Variants in RIC1 observed in about 807,000 individuals in gnomAD.
RIC1 encodes the protein guanine nucleotide exchange factor subunit RIC1.
A neutral mutation model predicts 169.0 loss-of-function variants in RIC1; 88 were observed. The ratio of observed to expected loss-of-function variants is 0.52; its 90% CI spans 0.44 to 0.62. RIC1 has a LOEUF of 0.62. RIC1 is among the 20% of genes least tolerant of loss of function. The pLI, the probability that RIC1 is intolerant of heterozygous loss-of-function variation, is 0.00. For missense variants in RIC1, 1,877 were observed against 1,725.5 expected (o/e 1.09, Z -1.56); for synonymous variants, 790 against 601.5 (o/e 1.31, Z -4.59).
chr9:5,667,791 A>T (rs993808013), intron 2 of RIC1, among the ~76,000 whole-genome samples: 1 of 152,168 alleles, frequency 6.6e-6, no homozygotes, highest in African/African-American at 2.4e-5. Flanking sequence ...GGCATGAGCC[A>T]CCGCACTGGG....
At chr9:5,767,869 G>A (rs540143560) in intron 21 of RIC1, among the ~76,000 whole-genome samples, 69 of 152,342 alleles carry the variant, frequency 4.5e-4, no homozygotes, top group Middle Eastern at 3.4e-3. Context: ...TTACAGGCAT[G>A]AGCCACCATG....
At chr9:5,720,799 T>A (rs781670685) in intron 6 of RIC1, 49 bp downstream of exon 6, 8 of 1,405,374 alleles carry the variant, frequency 5.7e-6, no homozygotes, top group Non-Finnish European at 7.7e-6. Flanking sequence ...GTACTTATTT[T>A]ATTCTTTGTT....
At chr9:5,734,489 G>A (rs1824574182) in intron 7 of RIC1, among the ~76,000 whole-genome samples, 1 of 152,002 alleles carries the variant, frequency 6.6e-6, no homozygotes, top group Admixed American at 6.6e-5. Flanking sequence ...CCAGGAATTG[G>A]TTTCTTTCTT....
intron 3 of RIC1, chr9:5,713,594 A>T: frequency 4.6e-6 from 1 of 218,586 alleles, no homozygotes; most frequent in Non-Finnish European, 9.1e-6. Context: ...TTTAAACAAA[A>T]TGCCTGTTGG....
At position 5,742,948 on chromosome 9, in the gene RIC1, C is replaced by T. The variant is rs375672479; in HGVS notation, c.981C>T (p.Tyr327=). 8.9e-5 allele frequency: 143 copies of T among 1,613,274 alleles called. 3 individuals carry two copies. Among genetic ancestry groups the T allele is most frequent in the South Asian group, 7.0e-4 (64 of 91,040 alleles). ...DNSVVIVTWE[Y]GGLSLWSVFG... ...GTGTTGTAATAGTGACCTGGGAATA[C>T]GGAGGCCTTTCTTTATGGAGTGTTT... The change falls in exon 9 of 26, where the codon TAC becomes TAT. Residue 327 remains tyrosine, a synonymous_variant. Coordinates refer to ENST00000414202, the MANE Select transcript of RIC1 (RefSeq NM_020829.4).
Position 5,753,535 on chromosome 9 carries a change from G to C in RIC1, c.1492-1G>C. 6.3e-7 allele frequency: 1 copy of C among 1,579,304 alleles called. No homozygotes were observed. On this transcript the variant is annotated splice_acceptor_variant, in intron 13 of 25. Transcript: ENST00000414202. LOFTEE classifies it high-confidence loss of function. ...AAGTTCTTATTTTTTTTTTTAAACA[G>C]TTTTCAGCTATTGATAAGCTTGGAC... is the stretch of plus-strand genomic sequence containing the variant.
intron 4 of RIC1, among the ~76,000 whole-genome samples, chr9:5,714,380 A>G (rs1166634798): frequency 6.6e-6 from 1 of 152,194 alleles, no homozygotes; most frequent in Non-Finnish European, 1.5e-5. Flanking sequence ...AAGTTTATAT[A>G]CACTTGGAAG....
chr9:5,769,876 T>A (rs955396017), intron 22 of RIC1, among the ~76,000 whole-genome samples: 2 of 152,192 alleles, frequency 1.3e-5, no homozygotes, highest in African/African-American at 4.8e-5. Flanking sequence ...TAGGATGATA[T>A]AACTTTTAGG....
At chr9:5,747,612 T>G in intron 12 of RIC1, 107 bp downstream of exon 12, 1 of 986,892 alleles carries the variant, frequency 1.0e-6, no homozygotes, top group African/African-American at 1.6e-5. Context: ...TGAGAATCCT[T>G]TTAACCATTT....
At chr9:5,693,162 T>TA (rs1821687168) in intron 3 of RIC1, among the ~76,000 whole-genome samples, 1 of 152,148 alleles carries the variant, frequency 6.6e-6, no homozygotes, top group African/African-American at 2.4e-5. Flanking sequence ...GCAGTATAAT[T>TA]ACTGAGGCCA....
intron 3 of RIC1, among the ~76,000 whole-genome samples, chr9:5,690,899 T>C (rs1821555108): frequency 6.6e-6 from 1 of 151,452 alleles, no homozygotes; most frequent in Non-Finnish European, 1.5e-5. Flanking sequence ...ACTAACAAAC[T>C]CAAGAGAAAG....
chr9:5,673,334 A>C (rs1380351446), intron 2 of RIC1, among the ~76,000 whole-genome samples: 6 of 151,882 alleles, frequency 4.0e-5, no homozygotes, highest in African/African-American at 1.5e-4. Context: ...TGGAAATTAA[A>C]ATAAGACCAT....
chr9:5,756,450 A>G, intron 16 of RIC1, 78 bp downstream of exon 16: 1 of 984,418 alleles, frequency 1.0e-6, no homozygotes. Context: ...GTTTTCTCAA[A>G]ACAGTTATTC....
intron 6 of RIC1, among the ~76,000 whole-genome samples, chr9:5,728,770 G>C (rs1384737996): frequency 4.6e-5 from 7 of 151,998 alleles, no homozygotes; most frequent in Non-Finnish European, 1.0e-4. Context: ...GCTGTTTTTT[G>C]GCCTTCTGTC....
intron 4 of RIC1, chr9:5,719,422 G>T (rs953097063): frequency 6.6e-6 from 1 of 152,150 alleles, no homozygotes; most frequent in African/African-American, 2.4e-5. Flanking sequence ...AACTATTTTT[G>T]ATTTCTTGCC....
At chr9:5,670,758 T>C (rs1163522177) in intron 2 of RIC1, among the ~76,000 whole-genome samples, 1 of 152,240 alleles carries the variant, frequency 6.6e-6, no homozygotes, top group African/African-American at 2.4e-5. Flanking sequence ...GAAAGTTTAA[T>C]TCATGAAGAG....
chr9:5,637,072 T>C (rs1258390482), intron 1 of RIC1, among the ~76,000 whole-genome samples: 3 of 152,158 alleles, frequency 2.0e-5, no homozygotes, highest in African/African-American at 7.2e-5. Context: ...TGTTTGTTTG[T>C]TTTTGAGACA....
At chr9:5,675,046 A>G (rs1820358219) in intron 2 of RIC1, among the ~76,000 whole-genome samples, 2 of 152,208 alleles carry the variant, frequency 1.3e-5, no homozygotes, top group South Asian at 4.1e-4. Context: ...GTGCGCCCTT[A>G]CAGATGGAGC....
chr9:5,738,717 A>C (rs1318493340), intron 8 of RIC1, among the ~76,000 whole-genome samples, 179 bp downstream of exon 8: 2 of 152,056 alleles, frequency 1.3e-5, no homozygotes, highest in Non-Finnish European at 2.9e-5. Context: ...ATTCTGTTTT[A>C]ATAATTCAAA....
Sources: allele counts gnomAD v4.1 joint callset (sites outside exome capture counted in the v4.1 genomes callset), GRCh38; gene constraint gnomAD v4.1.1; transcripts MANE v1.5; gene names NCBI Gene and HGNC (gene_info 2026-07-23, HGNC 2026-07-21).